PRKCE: variants seen among roughly 807,000 people sequenced by gnomAD.
PRKCE encodes the protein protein kinase C epsilon type.
PRKCE carries 16 observed loss-of-function variants against 85.4 expected under a neutral mutation model. That is an observed-to-expected ratio of 0.19 (90% confidence interval 0.13 to 0.28). The LOEUF is 0.28. Among genes scored for constraint, PRKCE ranks in the 10% least tolerant of loss-of-function variants. The pLI is 1.00. For synonymous variants in PRKCE, 388 were observed against 371.5 expected (o/e 1.04, Z -0.51); for missense variants, 573 against 975.2 (o/e 0.59, Z 5.49).
intron 10 of PRKCE, among the ~76,000 whole-genome samples, chr2:46,054,289 C>T (rs545028811): frequency 1.3e-5 from 2 of 152,284 alleles, no homozygotes; most frequent in Admixed American, 6.5e-5. Context: ...TGGGAGTGAC[C>T]TCCCCATGCT....
chr2:45,912,483 G>T (rs1027515923), intron 2 of PRKCE, among the ~76,000 whole-genome samples: 3 of 152,130 alleles, frequency 2.0e-5, no homozygotes, highest in African/African-American at 7.2e-5. Flanking sequence ...GGTGGGGGCT[G>T]GGGTTCTGCC....
chr2:46,103,054 C>G (rs1316919372), intron 11 of PRKCE, among the ~76,000 whole-genome samples: 1 of 152,212 alleles, frequency 6.6e-6, no homozygotes, highest in Non-Finnish European at 1.5e-5. Context: ...AATTCTTCCA[C>G]CCATGTGCAT....
At position 45,980,286 on chromosome 2, in the gene PRKCE, C is replaced by T. The variant is rs1456435036; in HGVS notation, c.608-10C>T. ...GTGTCATTCAGCCTTCCTGTCTTTG[C>T]TATTTGCAGTCTGCACCTGCGTGGT... On this transcript the variant is annotated splice_polypyrimidine_tract_variant and intron_variant, in intron 4 of 14. Coordinates refer to ENST00000306156, the MANE Select transcript of PRKCE (RefSeq NM_005400.3). 1 of 1,599,424 alleles carries T rather than the reference C, an allele frequency of 6.3e-7. No homozygotes were observed. The highest frequency in any genetic ancestry group is 1.3e-5 in the African/African-American group (1 of 75,034).
intron 10 of PRKCE, among the ~76,000 whole-genome samples, chr2:46,060,871 C>T (rs1224576921): frequency 1.3e-5 from 2 of 151,640 alleles, no homozygotes; most frequent in African/African-American, 4.8e-5. Flanking sequence ...AAGTGATTCT[C>T]CTGCCTCAGC....
rs368075171 is a variant in PRKCE at position 45,677,330 on chromosome 2, T to TGG, written c.348+24883_348+24884insGG. ...GAGGAGCCAGTGAAGGTTTTTTTTT[T>TGG]GTTTTTTTTTTTGTTGTTGTTGTTT... On this transcript the variant is annotated intron_variant, in intron 1 of 14. Transcript: ENST00000306156. Among the ~76,000 whole-genome samples the TGG allele has an allele frequency of 9.6e-5, 12 of 124,498 alleles. 1 individual carries two copies. In the South Asian group the frequency reaches 1.7e-3, roughly 17 times the overall value. The allele number at this position is 124,498 out of a possible 152,430, so 81.7% of individuals were successfully genotyped here.
At chr2:46,140,024 T>G (rs978324685) in intron 11 of PRKCE, among the ~76,000 whole-genome samples, 3 of 152,058 alleles carry the variant, frequency 2.0e-5, no homozygotes, top group Non-Finnish European at 4.4e-5. Context: ...TATGAGAGAA[T>G]TTTAAAATGC....
rs1696930425 is a variant in PRKCE at position 45,905,836 on chromosome 2, A to G, written c.412+62773A>G. On this transcript the variant is annotated intron_variant, in intron 2 of 14. Coordinates refer to ENST00000306156, the MANE Select transcript of PRKCE (RefSeq NM_005400.3). This position sits in a 1 kb window ranked among gnomAD's most constrained non-coding sequence, Gnocchi z 4.4. ...TCTGTACTCAGTTACAAATTGGGTG[A>G]GATGTGGCTCCCACAGTGGGAATAA... Among the ~76,000 whole-genome samples, 1 of 152,226 alleles carries G rather than the reference A, an allele frequency of 6.6e-6. No homozygotes were observed. The highest frequency in any genetic ancestry group is 2.4e-5 in the African/African-American group (1 of 41,450).
intron 11 of PRKCE, among the ~76,000 whole-genome samples, chr2:46,144,411 T>C (rs1221722550): frequency 2.0e-5 from 3 of 152,200 alleles, no homozygotes; most frequent in African/African-American, 7.2e-5. Flanking sequence ...AAAACATTCC[T>C]GTCTTGCTTC....
intron 2 of PRKCE, among the ~76,000 whole-genome samples, chr2:45,877,984 C>T (rs1694603373): frequency 6.6e-6 from 1 of 152,242 alleles, no homozygotes; most frequent in South Asian, 2.1e-4. Context: ...CTTGCCCTTC[C>T]TCAGTTCCTG....
At chr2:46,034,518 C>G (rs1182886142) in intron 10 of PRKCE, among the ~76,000 whole-genome samples, 1 of 152,226 alleles carries the variant, frequency 6.6e-6, no homozygotes. Flanking sequence ...AGCCACCAAT[C>G]CTTCAAACCT....
intron 1 of PRKCE, among the ~76,000 whole-genome samples, chr2:45,814,790 A>G (rs939932839): frequency 6.6e-6 from 1 of 152,166 alleles, no homozygotes; most frequent in African/African-American, 2.4e-5. Context: ...AGAGTACTTC[A>G]TCCTCTCTGG....
chr2:46,171,919 C>A (rs1182718224), intron 14 of PRKCE, among the ~76,000 whole-genome samples: 1 of 152,192 alleles, frequency 6.6e-6, no homozygotes, highest in Non-Finnish European at 1.5e-5. Context: ...AAACAGAACC[C>A]CAGCACAAGG....
chr2:45,904,156 G>A (rs80060305), intron 2 of PRKCE, among the ~76,000 whole-genome samples: 9,184 of 151,838 alleles, frequency 0.06, 398 homozygotes, highest in African/African-American at 0.12. Context: ...TGCCCTCCTC[G>A]GCCTCCCAAT....
At position 46,106,517 on chromosome 2, in the gene PRKCE, A is replaced by T. The variant is rs541146348; in HGVS notation, c.1592+20155A>T. ...TTAAACAATAGAAATGTATTTTCTCATAGTTCTGGAGGCTGGATGTTCAAG... is the reference window on the plus strand; with the variant it reads ...TTAAACAATAGAAATGTATTTTCTCTTAGTTCTGGAGGCTGGATGTTCAAG... On this transcript the variant is annotated intron_variant, in intron 11 of 14. Transcript: ENST00000306156. Among the ~76,000 whole-genome samples the T allele has an allele frequency of 2.6e-5, 4 of 152,350 alleles. 1 individual carries two copies. In the South Asian group the frequency reaches 8.3e-4, roughly 32 times the overall value.
chr2:45,916,888 C>T (rs995310700), intron 2 of PRKCE, among the ~76,000 whole-genome samples: 2 of 152,148 alleles, frequency 1.3e-5, no homozygotes, highest in African/African-American at 2.4e-5. Flanking sequence ...TTCGGAGTTT[C>T]TTCTTTCTGG....
intron 11 of PRKCE, among the ~76,000 whole-genome samples, chr2:46,108,110 T>C (rs1439186927): frequency 1.3e-5 from 2 of 152,290 alleles, no homozygotes; most frequent in Non-Finnish European, 2.9e-5. Flanking sequence ...TAGGGTTTTT[T>C]TGAGACAGGG....
At chr2:46,132,484 A>T (rs1056481360) in intron 11 of PRKCE, among the ~76,000 whole-genome samples, 2 of 152,184 alleles carry the variant, frequency 1.3e-5, no homozygotes, top group Non-Finnish European at 2.9e-5. Context: ...GATGTCCATC[A>T]CATGGAGAAA....
In PRKCE at chr2:46,155,443, G is replaced by A. The variant is rs1426382542; in HGVS notation, c.1921-4163G>A. 1.3e-5 allele frequency among the ~76,000 whole-genome samples: 2 copies of A among 151,994 alleles called. No homozygotes were observed. The highest frequency in any genetic ancestry group is 4.8e-5 in the African/African-American group (2 of 41,352). ...TCAGGCCTGGGCCCCGGGTCCTCTG[G>A]GTACCCTGTGCTCTCCCCTGCACAG... is the stretch of plus-strand genomic sequence containing the variant. On this transcript the variant is annotated intron_variant, in intron 13 of 14. Coordinates refer to ENST00000306156, the MANE Select transcript of PRKCE (RefSeq NM_005400.3). This position sits in a 1 kb window ranked among gnomAD's most constrained non-coding sequence, Gnocchi z 4.7.
intron 11 of PRKCE, among the ~76,000 whole-genome samples, chr2:46,102,909 A>G (rs1002481837): frequency 3.9e-5 from 6 of 152,172 alleles, no homozygotes; most frequent in African/African-American, 1.2e-4. Flanking sequence ...TCTCCACTGT[A>G]AAGTTTCTCT....
Sources: gnomAD v4.1 joint callset for allele counts (sites outside exome capture counted in the v4.1 genomes callset) on GRCh38, gnomAD v4.1.1 for gene constraint, Gnocchi (gnomAD v3.1) non-coding constraint, MANE v1.5 for transcripts, NCBI Gene and HGNC (gene_info 2026-07-23, HGNC 2026-07-21) for gene names.